The following UBE3A variants were observed in gnomAD, a reference collection of about 807,000 sequenced individuals.
UBE3A encodes ubiquitin protein ligase E3A.
UBE3A carries 6 observed loss-of-function variants against 83.4 expected under a neutral mutation model. The ratio of observed to expected loss-of-function variants is 0.07; its 90% confidence interval spans 0.04 to 0.14. The LOEUF (loss-of-function observed/expected upper bound fraction) is 0.14. UBE3A is among the 10% of genes least tolerant of loss of function. The pLI is 1.00. For synonymous variants in UBE3A, 337 were observed against 355.4 expected (o/e 0.95, Z 0.58); for missense variants, 456 against 1,036.1 (o/e 0.44, Z 7.69).
rs1201080664 is a variant in UBE3A, at chr15:25,438,839, CG to C, written c.-516del. The stretch of plus-strand genomic sequence containing the variant: ...GCAGAGGTGAAGCGTAAGTAGGCGG[CG>C]GATGGCGGGCGCCCGCGCTGGCGGA... On this transcript the variant is annotated 5_prime_UTR_variant, in exon 1 of 13. Coordinates refer to ENST00000648336, the MANE Select transcript of UBE3A (RefSeq NM_130839.5). The C allele has an allele frequency of 6.5e-6, 1 of 152,786 alleles. No individual in the cohort carries two copies. Among genetic ancestry groups the C allele is most frequent in the East Asian group, 1.9e-4 (1 of 5,182 alleles). 9.5% of individuals were successfully genotyped at this position (152,786 alleles called of 1,614,324 possible). A position where few individuals can be genotyped will look rare whatever the true frequency, so the allele number is the denominator to read the frequency against.
intron 7 of UBE3A, among the ~76,000 whole-genome samples, chr15:25,358,062 T>C (rs996069071): frequency 2.6e-5 from 4 of 151,778 alleles, no homozygotes; most frequent in African/African-American, 9.7e-5. Flanking sequence ...GTGGAGGCCT[T>C]TTTTATATCA....
chr15:25,427,781 G>A (rs1396548517), intron 1 of UBE3A, among the ~76,000 whole-genome samples: 3 of 110,054 alleles, frequency 2.7e-5, no homozygotes, highest in African/African-American at 1.1e-4. Flanking sequence ...AAGAGAGGGA[G>A]ACCCTGTCTC....
At chr15:25,430,027 C>CTATATATATTATATATATATATATA (rs1892606220) in intron 1 of UBE3A, among the ~76,000 whole-genome samples, 1 of 66,222 alleles carries the variant, frequency 1.5e-5, no homozygotes, top group African/African-American at 1.2e-4. Context: ...AAAAAAAAAC[C>CTATATATATTATATATATATATATA]TATATATATA....
At position 25,375,616 on chromosome 15, in the gene UBE3A, G is replaced by A. The variant is rs752310016; in HGVS notation, c.210C>T (p.Leu70=). 4.3e-6 allele frequency: 7 copies of A among 1,613,974 alleles called. No homozygotes were observed. Among genetic ancestry groups the A allele is most frequent in the African/African-American group, 4.0e-5 (3 of 74,884 alleles). Residue 70 remains leucine (L), a synonymous_variant, in exon 5 of 13, where the codon CTC becomes CTT. Coordinates refer to ENST00000648336, the MANE Select transcript of UBE3A (RefSeq NM_130839.5). ...GTTTTGCATTAATCTTATAAAGCTC[G>A]AGGGCTTTAATAGCTGCTGCATTAT... ...MDNNAAAIKA[L]ELYKINAKLC...
At position 25,371,836 on chromosome 15, in the gene UBE3A, G is replaced by C. The variant is rs779664745; in HGVS notation, c.362-24C>G. On this transcript the variant is annotated intron_variant, in intron 5 of 12. Transcript: ENST00000648336. This position sits in a 1 kb window ranked among gnomAD's most constrained non-coding sequence, Gnocchi z 5.3. ...ATCTAGAAAATCAGAGGAAAAAAGA[G>C]AACATTTATTTTCATAATATGTATG... 1.3e-6 allele frequency: 2 copies of C among 1,595,638 alleles called. No homozygotes were observed. The highest frequency in any genetic ancestry group is 2.2e-5 in the South Asian group (2 of 89,792).
chr15:25,341,938 A>T (rs1398539275), intron 11 of UBE3A, among the ~76,000 whole-genome samples: 1 of 152,130 alleles, frequency 6.6e-6, no homozygotes, highest in Admixed American at 6.5e-5. Flanking sequence ...AACACCATTT[A>T]TCTGAAATAA....
chr15:25,404,013 C>T (rs1470580938), intron 4 of UBE3A, among the ~76,000 whole-genome samples: 7 of 152,042 alleles, frequency 4.6e-5, no homozygotes, highest in African/African-American at 1.2e-4. Flanking sequence ...GAGTTCTGAT[C>T]GTGACTGTGC....
chr15:25,376,107 A>T (rs1294689624), intron 4 of UBE3A, among the ~76,000 whole-genome samples: 1 of 152,214 alleles, frequency 6.6e-6, no homozygotes, highest in Non-Finnish European at 1.5e-5. Flanking sequence ...TTTACAGCTA[A>T]GAGTTGTAGG....
At chr15:25,374,841 C>T (rs2080932557) in intron 5 of UBE3A, 1 of 152,694 alleles carries the variant, frequency 6.5e-6, no homozygotes, top group Non-Finnish European at 1.5e-5. Flanking sequence ...AAGAAAATAA[C>T]TTGGAGTTTT....
intron 1 of UBE3A, among the ~76,000 whole-genome samples, chr15:25,422,247 C>G (rs1307617128): frequency 6.6e-6 from 1 of 152,040 alleles, no homozygotes; most frequent in East Asian, 1.9e-4. Context: ...ATAAACAGAT[C>G]AGTGGTTGCC....
At chr15:25,350,390 T>A (rs1164877502) in intron 11 of UBE3A, among the ~76,000 whole-genome samples, 1 of 151,594 alleles carries the variant, frequency 6.6e-6, no homozygotes, top group Non-Finnish European at 1.5e-5. Flanking sequence ...GAATTATTCA[T>A]GGAATTTTCT....
chr15:25,385,255 C>CA (rs563116694), intron 4 of UBE3A, among the ~76,000 whole-genome samples: 109 of 152,150 alleles, frequency 7.2e-4, no homozygotes, highest in African/African-American at 2.6e-3. Flanking sequence ...AATTCAACAA[C>CA]AAAAAATCTA....
At chr15:25,349,900 G>T (rs760804371) in intron 11 of UBE3A, among the ~76,000 whole-genome samples, 1 of 152,106 alleles carries the variant, frequency 6.6e-6, no homozygotes, top group Non-Finnish European at 1.5e-5. Context: ...CTGGAAAAAG[G>T]GATAATTCAT....
intron 4 of UBE3A, among the ~76,000 whole-genome samples, chr15:25,397,837 A>G (rs184850478): frequency 6.6e-6 from 1 of 152,236 alleles, no homozygotes; most frequent in African/African-American, 2.4e-5. Flanking sequence ...GTCCCTGTAC[A>G]TGGTTCTATC....
At chr15:25,372,466 A>C (rs2152828580) in intron 5 of UBE3A, among the ~76,000 whole-genome samples, 1 of 152,338 alleles carries the variant, frequency 6.6e-6, no homozygotes, top group East Asian at 1.9e-4. Context: ...GTGACAGAAA[A>C]TAGTTTTTGA....
intron 4 of UBE3A, among the ~76,000 whole-genome samples, chr15:25,390,737 C>T (rs899058097): frequency 2.6e-5 from 4 of 152,024 alleles, no homozygotes; most frequent in Non-Finnish European, 4.4e-5. Flanking sequence ...AGCCACAGAA[C>T]GTACAGCACT....
chr15:25,357,024 C>CA, intron 7 of UBE3A, 128 bp from the exon 8 acceptor site: 1 of 774,674 alleles, frequency 1.3e-6, no homozygotes, highest in Non-Finnish European at 2.0e-6. Flanking sequence ...AGGCATGCAA[C>CA]ATTGATTTCT....
intron 6 of UBE3A, among the ~76,000 whole-genome samples, chr15:25,366,712 A>C (rs1222825183): frequency 6.6e-6 from 1 of 152,154 alleles, no homozygotes; most frequent in Non-Finnish European, 1.5e-5. Context: ...AAACACATAA[A>C]CATACTTGTA....
rs2074216162 is a variant in UBE3A at position 25,338,694 on chromosome 15, T to TA, written c.*442dup. Reference sequence around the variant, plus strand: ...AAAAAAGTAGCACATACTTGAAGGTTACGTGGTCTACAAATGGTGGCAATA... The same window carrying TA: ...AAAAAAGTAGCACATACTTGAAGGTTAACGTGGTCTACAAATGGTGGCAATA... On this transcript the variant is annotated 3_prime_UTR_variant, in exon 13 of 13. Coordinates refer to ENST00000648336, the MANE Select transcript of UBE3A (RefSeq NM_130839.5). 1 of 152,264 alleles carries TA rather than the reference T, an allele frequency of 6.6e-6. No homozygotes were observed. The highest frequency in any genetic ancestry group is 1.5e-5 in the Non-Finnish European group (1 of 68,150). 9.4% of individuals were successfully genotyped at this position (152,264 alleles called of 1,614,324 possible). A position where few individuals can be genotyped will look rare whatever the true frequency, so the allele number is the denominator to read the frequency against.
Sources: gnomAD v4.1 joint callset for allele counts (sites outside exome capture counted in the v4.1 genomes callset) on GRCh38, gnomAD v4.1.1 for gene constraint, Gnocchi (gnomAD v3.1) non-coding constraint, MANE v1.5 for transcripts, NCBI Gene and HGNC (gene_info 2026-07-23, HGNC 2026-07-21) for gene names.